The following GOLGA3 variants were observed in gnomAD, a reference collection of about 807,000 sequenced individuals.
The protein encoded by GOLGA3 is golgin A3, also known as golgin subfamily A member 3.
GOLGA3 carries 75 observed loss-of-function variants against 169.4 expected under a neutral mutation model. That is an observed-to-expected ratio of 0.44 (90% CI 0.37 to 0.54). GOLGA3 has a LOEUF of 0.54. Among genes scored for constraint, GOLGA3 ranks in the 20% least tolerant of loss-of-function variants. The pLI is 0.00. For synonymous variants in GOLGA3, 824 were observed against 822.4 expected (o/e 1.00, Z -0.03); for missense variants, 1,899 against 1,930.0 (o/e 0.98, Z 0.30).
chr12:132,779,818 C>T (rs1275259254), intron 18 of GOLGA3, among the ~76,000 whole-genome samples: 2 of 119,694 alleles, frequency 1.7e-5, no homozygotes, highest in African/African-American at 6.2e-5. Context: ...CGTGTGTGCA[C>T]ACACACCACA....
intron 12 of GOLGA3, among the ~76,000 whole-genome samples, chr12:132,789,904 A>ATGCT (rs1294497044): frequency 6.6e-6 from 1 of 152,122 alleles, no homozygotes. Flanking sequence ...GTGGTGGTGC[A>ATGCT]TGCTTGTAGT....
In GOLGA3 at chr12:132,774,168, G is replaced by C; in HGVS notation, c.4296C>G (p.Leu1432=). 6.3e-7 allele frequency: 1 copy of C among 1,599,680 alleles called. No homozygotes were observed. The highest frequency in any genetic ancestry group is 8.5e-7 in the Non-Finnish European group (1 of 1,172,174). ...GAATACGGTCGTACTTGAGCTGCTG[G>C]AGGCAGCTGTTCAGGTTCTTGAGGG... The part of the protein sequence containing the change: ...KEPLKNLNSC[L]QQLKQEMDSL... The change falls in exon 23 of 24, where the codon CTC becomes CTG. Residue 1432 remains leucine (L), a synonymous_variant. Coordinates refer to ENST00000450791, the MANE Select transcript of GOLGA3 (RefSeq NM_001389683.1).
At chr12:132,821,268 G>A (rs1418475565) in intron 2 of GOLGA3, among the ~76,000 whole-genome samples, 7 of 152,000 alleles carry the variant, frequency 4.6e-5, no homozygotes, top group Middle Eastern at 3.4e-3. Context: ...ATAGCTGGGC[G>A]TGGTAGCGCA....
At position 132,777,744 on chromosome 12, in the gene GOLGA3, T is replaced by A. The variant is rs774248540; in HGVS notation, c.3644A>T (p.Glu1215Val). The change falls in exon 19 of 24, where the codon GAG (glutamate) becomes GTG (valine). Residue 1215 changes from glutamate to valine, a missense_variant. Glu to Val is a moderately radical substitution (Grantham distance 121). Coordinates refer to ENST00000450791, the MANE Select transcript of GOLGA3 (RefSeq NM_001389683.1). This position sits in a 1 kb window ranked among gnomAD's most constrained non-coding sequence, Gnocchi z 4.7. ...NRRHFKAASLELSEVKKELQA... is the reference protein window; with the variant it reads ...NRRHFKAASLVLSEVKKELQA... ...CAGCTCCTTCTTCACCTCACTCAGC[T>A]CCAAGGAGGCCGCCTTGAAGTGGCG... 2 of 1,614,068 alleles carry A rather than the reference T, an allele frequency of 1.2e-6. No homozygotes were observed. The highest frequency in any genetic ancestry group is 2.2e-5 in the East Asian group (1 of 44,864).
At chr12:132,817,082 C>T (rs1397805678) in intron 2 of GOLGA3, among the ~76,000 whole-genome samples, 4 of 151,576 alleles carry the variant, frequency 2.6e-5, no homozygotes, top group Admixed American at 6.6e-5. Context: ...AACGTGAACC[C>T]GCCCTCCACA....
chr12:132,780,110 GCCCCCCGCGT>G (rs2045502381), intron 18 of GOLGA3, among the ~76,000 whole-genome samples: 5 of 39,672 alleles, frequency 1.3e-4, no homozygotes, highest in South Asian at 1.2e-3. Context: ...TGCACGCACA[GCCCCCCGCGT>G]GCACACACCC....
chr12:132,804,701 C>A lies in GOLGA3; in HGVS notation c.1597+15G>T. The stretch of plus-strand genomic sequence containing the variant: ...CCAGTCAGGGAGGGGAGGGCGTGGC[C>A]AGGGCCAGCCTCACCTGTGTTGTCC... On this transcript the variant is annotated intron_variant, in intron 7 of 23. Coordinates refer to ENST00000450791, the MANE Select transcript of GOLGA3 (RefSeq NM_001389683.1). This position sits in a 1 kb window ranked among gnomAD's most constrained non-coding sequence, Gnocchi z 4.1. The A allele has an allele frequency of 6.3e-7, 1 of 1,598,224 alleles. No homozygotes were observed. The highest frequency in any genetic ancestry group is 8.6e-7 in the Non-Finnish European group (1 of 1,168,434).
intron 16 of GOLGA3, 114 bp from the exon 17 acceptor site, chr12:132,782,607 A>C: frequency 6.1e-6 from 5 of 813,538 alleles, no homozygotes; most frequent in Non-Finnish European, 1.1e-5. Flanking sequence ...CCAGGCGCAG[A>C]GGCTCACGCC....
rs1036167262 is a variant in GOLGA3 at position 132,807,692 on chromosome 12, G to A, written c.1178+199C>T. 1.2e-4 allele frequency among the ~76,000 whole-genome samples: 18 copies of A among 152,284 alleles called. No homozygotes were observed. The East Asian group carries it at 3.1e-3, about 26-fold the overall frequency. On this transcript the variant is annotated intron_variant, in intron 5 of 23. Coordinates refer to ENST00000450791, the MANE Select transcript of GOLGA3 (RefSeq NM_001389683.1). Reference sequence around the variant, plus strand: ...GAAAAGCTGTGTATCACCTGTTCCAGTGCGGAGAGCCGTGGGCCCGGGAAG... The same window carrying A: ...GAAAAGCTGTGTATCACCTGTTCCAATGCGGAGAGCCGTGGGCCCGGGAAG...
At chr12:132,800,072 G>T (rs1949058623) in intron 8 of GOLGA3, among the ~76,000 whole-genome samples, 3 of 152,164 alleles carry the variant, frequency 2.0e-5, no homozygotes, top group Admixed American at 6.5e-5. Flanking sequence ...ACCTGGCTTG[G>T]CCTACGTCTT....
At position 132,807,297 on chromosome 12, in the gene GOLGA3, A is replaced by G. The variant is rs1447581733; in HGVS notation, c.1179-9T>C. On this transcript the variant is annotated splice_polypyrimidine_tract_variant and intron_variant, in intron 5 of 23. Transcript: ENST00000450791. ...AGCTCTCCAAGGACACGCTGGGGAC[A>G]AAGGCACGGGTCAGGCCTGTGCGAG... is the stretch of plus-strand genomic sequence containing the variant. The G allele has an allele frequency of 4.0e-6, 6 of 1,507,794 alleles. No homozygotes were observed. The South Asian group carries it at 7.2e-5, about 18-fold the overall frequency. 93.4% of individuals were successfully genotyped at this position (1,507,794 alleles called of 1,614,324 possible).
intron 3 of GOLGA3, among the ~76,000 whole-genome samples, chr12:132,814,023 CTT>C (rs34633724): frequency 0.033 from 3,367 of 102,922 alleles, 99 homozygotes; most frequent in African/African-American, 0.098. Context: ...CGCGCCCGGC[CTT>C]TTTTTTTTTT....
At chr12:132,785,701 C>T (rs1347498986) in intron 15 of GOLGA3, among the ~76,000 whole-genome samples, 1 of 152,166 alleles carries the variant, frequency 6.6e-6, no homozygotes, top group African/African-American at 2.4e-5. Flanking sequence ...AAACAAACCA[C>T]ATATAAGAAG....
chr12:132,823,641 G>A (rs985098848), intron 1 of GOLGA3, among the ~76,000 whole-genome samples: 5 of 151,532 alleles, frequency 3.3e-5, no homozygotes, highest in Admixed American at 1.3e-4. Flanking sequence ...CAAAAAACTA[G>A]CCAGGCGTGG....
At position 132,775,873 on chromosome 12, in the gene GOLGA3, G is replaced by A. The variant is rs974160903; in HGVS notation, c.3979-568C>T. Among the ~76,000 whole-genome samples the A allele has an allele frequency of 4.6e-5, 7 of 152,334 alleles. No homozygotes were observed. In the East Asian group the frequency reaches 7.7e-4, roughly 17 times the overall value. On this transcript the variant is annotated intron_variant, in intron 21 of 23. Coordinates refer to ENST00000450791, the MANE Select transcript of GOLGA3 (RefSeq NM_001389683.1). Reference sequence around the variant, plus strand: ...TGAGTTCTTTGTTGAGAAGTTTATCGCAAATTGGCAAACTTTTCCCACGCA... The same window carrying A: ...TGAGTTCTTTGTTGAGAAGTTTATCACAAATTGGCAAACTTTTCCCACGCA...
chr12:132,808,745 T>C (rs1443754152), intron 4 of GOLGA3, among the ~76,000 whole-genome samples, 196 bp from the exon 5 acceptor site: 1 of 152,016 alleles, frequency 6.6e-6, no homozygotes, highest in Non-Finnish European at 1.5e-5. Context: ...AAGGCCCCAC[T>C]CTAGTGACCA....
At chr12:132,827,104 TC>T (rs1427237767) in intron 1 of GOLGA3, among the ~76,000 whole-genome samples, 5 of 151,968 alleles carry the variant, frequency 3.3e-5, no homozygotes, top group Admixed American at 6.6e-5. Context: ...ACTTTCTGCT[TC>T]CCCCACACCT....
At chr12:132,793,018 G>A (rs1322035008) in intron 11 of GOLGA3, among the ~76,000 whole-genome samples, 1 of 103,792 alleles carries the variant, frequency 9.6e-6, no homozygotes, top group Admixed American at 9.8e-5. Flanking sequence ...CACGGGACCC[G>A]CACTCGGAGG....
intron 1 of GOLGA3, chr12:132,826,073 A>T: frequency 7.0e-7 from 1 of 1,419,098 alleles, no homozygotes; most frequent in South Asian, 1.1e-5. Flanking sequence ...GATCGGTGAC[A>T]TCGTCACAGT....
Sources: allele counts gnomAD v4.1 joint callset (sites outside exome capture counted in the v4.1 genomes callset), GRCh38; gene constraint gnomAD v4.1.1; non-coding constraint Gnocchi (gnomAD v3.1); transcripts MANE v1.5; gene names NCBI Gene and HGNC (gene_info 2026-07-23, HGNC 2026-07-21).